KCNQ5: variants seen among roughly 807,000 people sequenced by gnomAD.
KCNQ5 encodes the protein potassium voltage-gated channel subfamily KQT member 5.
In KCNQ5, 30 loss-of-function variants were observed where a neutral mutation model predicts 98.2. The ratio of observed to expected loss-of-function variants is 0.31; its 90% CI spans 0.23 to 0.41. KCNQ5 has a LOEUF of 0.41. Among genes scored for constraint, KCNQ5 ranks in the 10% least tolerant of loss-of-function variants. KCNQ5 has a pLI of 1.00. For missense variants in KCNQ5, 835 were observed against 1,182.5 expected (o/e 0.71, Z 4.31); for synonymous variants, 458 against 449.4 (o/e 1.02, Z -0.24).
intron 12 of KCNQ5, among the ~76,000 whole-genome samples, chr6:73,191,583 GC>G (rs1233431022): frequency 2.0e-5 from 3 of 151,702 alleles, no homozygotes; most frequent in Non-Finnish European, 2.9e-5. Context: ...TTTTTTTTAT[GC>G]CCCCCAGCAC....
At chr6:72,692,757 A>G (rs1461872959) in intron 1 of KCNQ5, among the ~76,000 whole-genome samples, 2 of 152,192 alleles carry the variant, frequency 1.3e-5, no homozygotes, top group African/African-American at 4.8e-5. Context: ...GATGCTCTTG[A>G]TCATAGAAAT....
At position 72,622,715 on chromosome 6, in the gene KCNQ5, C is replaced by T. The variant is rs907296485; in HGVS notation, c.398+128C>T. On this transcript the variant is annotated intron_variant, in intron 1 of 13. Transcript: ENST00000370398. The surrounding 1 kb of genome is among the most constrained non-coding windows in gnomAD (Gnocchi z 6.0). Reference sequence around the variant, plus strand: ...ACACGTGGTGGCTTTTATTTCTTCGCACGTGTTCGTGGTCTTCCTTCTGGA... The same window carrying T: ...ACACGTGGTGGCTTTTATTTCTTCGTACGTGTTCGTGGTCTTCCTTCTGGA... 9.3e-6 allele frequency: 9 copies of T among 967,330 alleles called. No homozygotes were observed. The African/African-American group carries it at 1.0e-4, about 11-fold the overall frequency. The allele number at this position is 967,330 out of a possible 1,614,324, so 59.9% of individuals were successfully genotyped here. A position where few individuals can be genotyped will look rare whatever the true frequency, so the allele number is the denominator to read the frequency against.
At chr6:72,738,969 T>C (rs1237077499) in intron 1 of KCNQ5, among the ~76,000 whole-genome samples, 7 of 152,162 alleles carry the variant, frequency 4.6e-5, no homozygotes. Flanking sequence ...ATACTATTAT[T>C]ATGTGAATAT....
intron 2 of KCNQ5, among the ~76,000 whole-genome samples, chr6:73,015,819 A>G (rs1474706571): frequency 6.6e-6 from 1 of 152,146 alleles, no homozygotes; most frequent in Non-Finnish European, 1.5e-5. Flanking sequence ...TTCCCTTACT[A>G]TCTTTCCATG....
At chr6:73,121,315 A>T (rs965576353) in intron 8 of KCNQ5, among the ~76,000 whole-genome samples, 1 of 151,556 alleles carries the variant, frequency 6.6e-6, no homozygotes, top group Non-Finnish European at 1.5e-5. Flanking sequence ...AGTCCTAATG[A>T]TTACCACAGA....
At chr6:72,947,551 G>A (rs1481724231) in intron 1 of KCNQ5, among the ~76,000 whole-genome samples, 1 of 152,118 alleles carries the variant, frequency 6.6e-6, no homozygotes, top group Non-Finnish European at 1.5e-5. Flanking sequence ...ACCAATGGAA[G>A]TGTTGAAGGG....
intron 8 of KCNQ5, among the ~76,000 whole-genome samples, chr6:73,123,380 C>A (rs553850327): frequency 1.3e-5 from 2 of 152,052 alleles, no homozygotes; most frequent in African/African-American, 4.8e-5. Flanking sequence ...AAACACCAGC[C>A]CCATGCTCTT....
chr6:72,783,300 T>G (rs1258780193), intron 1 of KCNQ5, among the ~76,000 whole-genome samples: 1 of 152,174 alleles, frequency 6.6e-6, no homozygotes, highest in African/African-American at 2.4e-5. Context: ...TAAGCACCAT[T>G]TTCAGAGGCT....
intron 11 of KCNQ5, among the ~76,000 whole-genome samples, chr6:73,182,523 C>A (rs1205514337): frequency 6.6e-6 from 1 of 152,140 alleles, no homozygotes; most frequent in Non-Finnish European, 1.5e-5. Context: ...CTGGTCTCCC[C>A]TCCACCCCCT....
At position 72,749,462 on chromosome 6, in the gene KCNQ5, T is replaced by TAA. The variant is rs138632686; in HGVS notation, c.398+126883_398+126884dup. On this transcript the variant is annotated intron_variant, in intron 1 of 13. Coordinates refer to ENST00000370398, the MANE Select transcript of KCNQ5 (RefSeq NM_019842.4). The stretch of plus-strand genomic sequence containing the variant: ...GTTTATTGGAATAATGTGGAAAAAT[T>TAA]AAAAAAAAATTTCTCAGACTTTAAT... Among the ~76,000 whole-genome samples, 194 of 151,714 alleles carry TAA rather than the reference T, an allele frequency of 1.3e-3. 1 individual carries two copies. The highest frequency in any genetic ancestry group is 8.0e-3 in the Admixed American group (122 of 15,220).
In KCNQ5 at chr6:72,956,199, GACA is replaced by G. The variant is rs201082842; in HGVS notation, c.399-47705_399-47703del. On this transcript the variant is annotated intron_variant, in intron 1 of 13. Transcript: ENST00000370398. ...CATGCAATACCTGCAACAACCCAGT[GACA>G]ACATCTTTATTTTACATATGAAAGA... 6.5e-3 allele frequency among the ~76,000 whole-genome samples: 988 copies of G among 152,296 alleles called. 32 individuals carry two copies. Among genetic ancestry groups the G allele is most frequent in the Admixed American group, 0.053 (805 of 15,298 alleles).
intron 1 of KCNQ5, among the ~76,000 whole-genome samples, chr6:72,969,080 C>T (rs571014182): frequency 7.9e-5 from 12 of 152,264 alleles, no homozygotes; most frequent in Middle Eastern, 3.4e-3. Context: ...TCAGTGTATT[C>T]ATTTTTTAAA....
intron 1 of KCNQ5, among the ~76,000 whole-genome samples, chr6:72,675,487 T>G (rs1325070873): frequency 6.6e-6 from 1 of 152,224 alleles, no homozygotes; most frequent in Non-Finnish European, 1.5e-5. Context: ...GCCCACTGAT[T>G]TCAATTTTCA....
chr6:73,018,340 T>G (rs965543814), intron 2 of KCNQ5, among the ~76,000 whole-genome samples: 4 of 152,028 alleles, frequency 2.6e-5, no homozygotes, highest in Admixed American at 2.6e-4. Flanking sequence ...CGCATACAAC[T>G]GGGTGAGGCA....
At chr6:72,883,178 A>G (rs558821337) in intron 1 of KCNQ5, among the ~76,000 whole-genome samples, 1 of 152,266 alleles carries the variant, frequency 6.6e-6, no homozygotes, top group East Asian at 1.9e-4. Flanking sequence ...TAAGAACAGT[A>G]CCCATGCTCT....
At chr6:72,962,723 A>G (rs1229322523) in intron 1 of KCNQ5, among the ~76,000 whole-genome samples, 1 of 152,132 alleles carries the variant, frequency 6.6e-6, no homozygotes, top group African/African-American at 2.4e-5. Context: ...AGCCAGAGAG[A>G]CTAATAGGGA....
chr6:73,021,196 G>A (rs1312147144), intron 2 of KCNQ5, among the ~76,000 whole-genome samples: 1 of 152,168 alleles, frequency 6.6e-6, no homozygotes, highest in Non-Finnish European at 1.5e-5. Flanking sequence ...GTCTGTAGCA[G>A]TGGATGGTCT....
At chr6:72,803,396 C>T (rs1774769391) in intron 1 of KCNQ5, among the ~76,000 whole-genome samples, 1 of 152,084 alleles carries the variant, frequency 6.6e-6, no homozygotes, top group Non-Finnish European at 1.5e-5. Flanking sequence ...ATGAGAATTG[C>T]CAAACATATA....
rs538995415 is a variant in KCNQ5 at position 73,144,752 on chromosome 6, T to C, written c.1468+11111T>C. Reference sequence around the variant, plus strand: ...CTGTGTTGGCTGGTGCTGACTGGACTAAGGTGGTCTCAGTTAGAATTACTG... The same window carrying C: ...CTGTGTTGGCTGGTGCTGACTGGACCAAGGTGGTCTCAGTTAGAATTACTG... On this transcript the variant is annotated intron_variant, in intron 10 of 13. Transcript: ENST00000370398. 2.8e-4 allele frequency among the ~76,000 whole-genome samples: 42 copies of C among 152,346 alleles called. 1 individual carries two copies. In the South Asian group the frequency reaches 7.9e-3, roughly 29 times the overall value.
Sources: gnomAD v4.1 joint callset for allele counts (sites outside exome capture counted in the v4.1 genomes callset) on GRCh38, gnomAD v4.1.1 for gene constraint, Gnocchi (gnomAD v3.1) non-coding constraint, MANE v1.5 for transcripts, NCBI Gene and HGNC (gene_info 2026-07-23, HGNC 2026-07-21) for gene names.